NELL1: variants seen among roughly 807,000 people sequenced by gnomAD.
The protein encoded by NELL1 is protein kinase C-binding protein NELL1.
NELL1 carries 76 observed loss-of-function variants against 107.4 expected under a neutral mutation model. The observed-to-expected ratio is 0.71, with a 90% CI of 0.59 to 0.86. The LOEUF (loss-of-function observed/expected upper bound fraction) is 0.86. NELL1 is among the 40% of genes least tolerant of loss of function. The probability of loss-of-function intolerance (pLI) is 0.00; values close to 1 mark genes in which losing one functional copy is unlikely to be tolerated. For missense variants in NELL1, 1,024 were observed against 1,005.5 expected (o/e 1.02, Z -0.25); for synonymous variants, 353 against 341.2 (o/e 1.03, Z -0.38).
intron 14 of NELL1, among the ~76,000 whole-genome samples, chr11:21,281,975 A>G (rs768625444): frequency 6.6e-6 from 1 of 152,238 alleles, no homozygotes; most frequent in Non-Finnish European, 1.5e-5. Flanking sequence ...CGCATAGACA[A>G]CAAAAGCAAA....
chr11:20,720,806 G>C (rs986259048), intron 2 of NELL1, among the ~76,000 whole-genome samples: 3 of 152,056 alleles, frequency 2.0e-5, no homozygotes, highest in Non-Finnish European at 4.4e-5. Context: ...TACTGGGTTA[G>C]AGCTCACCCT....
At chr11:20,889,068 T>C (rs1549717) in intron 5 of NELL1, among the ~76,000 whole-genome samples, 132,718 of 152,230 alleles carry the variant, frequency 0.87, 57,889 homozygotes, top group East Asian at 0.94. Context: ...CTTCATCTCT[T>C]GAAGGGCTGC....
chr11:20,732,188 G>A (rs754923151), intron 2 of NELL1, among the ~76,000 whole-genome samples: 2 of 151,928 alleles, frequency 1.3e-5, no homozygotes, highest in African/African-American at 2.4e-5. Context: ...GATTTACACT[G>A]GGCCCACTTG....
intron 13 of NELL1, among the ~76,000 whole-genome samples, chr11:21,185,483 C>T (rs1252310283): frequency 2.0e-5 from 3 of 151,420 alleles, no homozygotes; most frequent in Admixed American, 6.6e-5. Flanking sequence ...TTAGTAGAGA[C>T]GGAGTTCCAC....
chr11:21,313,427 A>C (rs1311795367), intron 14 of NELL1, among the ~76,000 whole-genome samples: 1 of 152,176 alleles, frequency 6.6e-6, no homozygotes, highest in African/African-American at 2.4e-5. Flanking sequence ...GGAGTTATCC[A>C]ATTAGGCATT....
At chr11:21,319,056 T>C (rs1263404841) in intron 14 of NELL1, among the ~76,000 whole-genome samples, 4 of 152,066 alleles carry the variant, frequency 2.6e-5, no homozygotes, top group African/African-American at 9.7e-5. Context: ...CTTATATGCA[T>C]GTAAATATGA....
chr11:21,420,445 G>T (rs372141478), intron 15 of NELL1, among the ~76,000 whole-genome samples: 28 of 152,194 alleles, frequency 1.8e-4, no homozygotes, highest in African/African-American at 6.7e-4. Context: ...GCTGAAAATG[G>T]AAAATGCAAA....
chr11:21,314,607 C>T (rs1352894081), intron 14 of NELL1, among the ~76,000 whole-genome samples: 1 of 152,152 alleles, frequency 6.6e-6, no homozygotes, highest in Non-Finnish European at 1.5e-5. Flanking sequence ...GGTCCCTGCC[C>T]TTATGCAGCC....
chr11:21,436,299 C>T (rs1284664694), intron 15 of NELL1, among the ~76,000 whole-genome samples: 3 of 152,078 alleles, frequency 2.0e-5, no homozygotes, highest in African/African-American at 2.4e-5. Flanking sequence ...GTGGTCAGCC[C>T]GCCTCAGCCT....
At chr11:21,019,162 T>C (rs1852639993) in intron 12 of NELL1, among the ~76,000 whole-genome samples, 1 of 152,138 alleles carries the variant, frequency 6.6e-6, no homozygotes, top group Non-Finnish European at 1.5e-5. Context: ...ATGTTCATGC[T>C]CTTTTAAATG....
chr11:20,751,717 T>C (rs1054044051), intron 2 of NELL1, among the ~76,000 whole-genome samples: 42 of 152,264 alleles, frequency 2.8e-4, no homozygotes, highest in Middle Eastern at 3.4e-3. Flanking sequence ...TTTGAGCTCC[T>C]GGCCTCAAGC....
At chr11:20,789,782 C>G (rs1280565481) in intron 3 of NELL1, among the ~76,000 whole-genome samples, 1 of 152,186 alleles carries the variant, frequency 6.6e-6, no homozygotes, top group Non-Finnish European at 1.5e-5. Flanking sequence ...GTGTTCAGCT[C>G]CTAATAGAGA....
At chr11:21,266,856 A>G (rs867355719) in intron 14 of NELL1, among the ~76,000 whole-genome samples, 1 of 152,062 alleles carries the variant, frequency 6.6e-6, no homozygotes, top group Non-Finnish European at 1.5e-5. Flanking sequence ...CTCACCTCAA[A>G]TTTACCATTA....
intron 5 of NELL1, among the ~76,000 whole-genome samples, chr11:20,907,071 T>C (rs1011972327): frequency 1.3e-5 from 2 of 152,020 alleles, no homozygotes; most frequent in African/African-American, 4.8e-5. Flanking sequence ...CATGATTCTA[T>C]GTATAGAAGT....
chr11:21,046,677 A>ATTAATTAT lies in NELL1; in HGVS notation c.1301-66909_1301-66908insATTATTTA, dbSNP rs1554962273. On this transcript the variant is annotated intron_variant, in intron 12 of 19. Coordinates refer to ENST00000357134, the MANE Select transcript of NELL1 (RefSeq NM_006157.5). Reference sequence around the variant, plus strand: ...GCAGCTTTGCCCATTTATTTACTCAATTATTTATTTATTTATTTATTTATT... The same window carrying ATTAATTAT: ...GCAGCTTTGCCCATTTATTTACTCAATTAATTATTTATTTATTTATTTATTTATTTATT... Among the ~76,000 whole-genome samples the ATTAATTAT allele has an allele frequency of 1.9e-4, 27 of 143,616 alleles. 1 individual carries two copies. Among genetic ancestry groups the ATTAATTAT allele is most frequent in the Admixed American group, 3.5e-4 (5 of 14,188 alleles). 94.2% of individuals were successfully genotyped at this position (143,616 alleles called of 152,430 possible).
At chr11:21,213,262 G>A (rs1157293976) in intron 13 of NELL1, among the ~76,000 whole-genome samples, 3 of 151,998 alleles carry the variant, frequency 2.0e-5, no homozygotes, top group Admixed American at 2.0e-4. Flanking sequence ...CTGTATCCAT[G>A]GATTAGATGA....
chr11:20,979,672 A>C (rs1017599246), intron 12 of NELL1, among the ~76,000 whole-genome samples: 1 of 152,158 alleles, frequency 6.6e-6, no homozygotes, highest in African/African-American at 2.4e-5. Flanking sequence ...TGAAATCTTT[A>C]AATTCTTGAA....
chr11:21,385,633 G>A (rs74575826), intron 15 of NELL1, among the ~76,000 whole-genome samples: 6,031 of 151,938 alleles, frequency 0.04, 364 homozygotes, highest in African/African-American at 0.13. Context: ...CTCCCTCACA[G>A]AAATGTTCTT....
chr11:20,848,104 C>G (rs951534102), intron 4 of NELL1, among the ~76,000 whole-genome samples: 1 of 152,158 alleles, frequency 6.6e-6, no homozygotes. Flanking sequence ...TGAGTTCGTT[C>G]CACTGGGAAG....
Sources: gnomAD v4.1 joint callset for allele counts (sites outside exome capture counted in the v4.1 genomes callset) on GRCh38, gnomAD v4.1.1 for gene constraint, MANE v1.5 for transcripts, NCBI Gene and HGNC (gene_info 2026-07-23, HGNC 2026-07-21) for gene names.